GALNTL6: variants seen among roughly 807,000 people sequenced by gnomAD.
GALNTL6 encodes the protein polypeptide N-acetylgalactosaminyltransferase-like 6.
GALNTL6 carries 46 observed loss-of-function variants against 73.7 expected under a neutral mutation model. The observed-to-expected ratio is 0.62, with a 90% CI of 0.49 to 0.80. The LOEUF (loss-of-function observed/expected upper bound fraction) is 0.80, where lower values mean the gene tolerates loss of function less well. Among genes scored for constraint, GALNTL6 ranks in the 30% least tolerant of loss-of-function variants. The probability of loss-of-function intolerance (pLI) is 0.00; values close to 1 mark genes in which losing one functional copy is unlikely to be tolerated. For synonymous variants in GALNTL6, 259 were observed against 263.7 expected (o/e 0.98, Z 0.17); for missense variants, 604 against 755.0 (o/e 0.80, Z 2.34).
intron 2 of GALNTL6, among the ~76,000 whole-genome samples, chr4:172,013,590 G>A (rs1741090100): frequency 6.6e-6 from 1 of 151,636 alleles, no homozygotes; most frequent in South Asian, 2.1e-4. Flanking sequence ...TACATAGTAG[G>A]TGTGTACATT....
intron 5 of GALNTL6, among the ~76,000 whole-genome samples, chr4:172,530,083 C>G (rs1025588950): frequency 4.2e-4 from 64 of 151,826 alleles, no homozygotes; most frequent in Non-Finnish European, 8.4e-4. Context: ...GTTAGAGAAG[C>G]TAGAAGGACA....
At chr4:173,018,009 A>AG in intron 11 of GALNTL6, among the ~76,000 whole-genome samples, 1 of 152,300 alleles carries the variant, frequency 6.6e-6, no homozygotes, top group African/African-American at 2.4e-5. Flanking sequence ...CTGACTCATG[A>AG]GGGACTGTAC....
At chr4:172,520,149 C>A (rs982118649) in intron 5 of GALNTL6, among the ~76,000 whole-genome samples, 1 of 151,764 alleles carries the variant, frequency 6.6e-6, no homozygotes, top group Non-Finnish European at 1.5e-5. Context: ...CTGTGGCAGG[C>A]TTTATTATTC....
At chr4:171,890,831 C>T (rs1736739891) in intron 2 of GALNTL6, among the ~76,000 whole-genome samples, 2 of 151,954 alleles carry the variant, frequency 1.3e-5, no homozygotes, top group African/African-American at 4.8e-5. Context: ...GGTGGAGGTC[C>T]CATACAATAT....
At chr4:172,061,758 T>G (rs1357554504) in intron 2 of GALNTL6, among the ~76,000 whole-genome samples, 1 of 152,098 alleles carries the variant, frequency 6.6e-6, no homozygotes, top group Non-Finnish European at 1.5e-5. Context: ...AGGAGATGTC[T>G]TGATTTATTT....
intron 5 of GALNTL6, among the ~76,000 whole-genome samples, chr4:172,793,847 G>A (rs933110930): frequency 6.6e-6 from 1 of 152,142 alleles, no homozygotes; most frequent in Non-Finnish European, 1.5e-5. Context: ...AGGCAACAAT[G>A]ATCTATATTT....
At chr4:171,946,465 A>G (rs1266413338) in intron 2 of GALNTL6, among the ~76,000 whole-genome samples, 4 of 152,164 alleles carry the variant, frequency 2.6e-5, no homozygotes, top group Non-Finnish European at 5.9e-5. Flanking sequence ...GCCAGTTCAC[A>G]TCAGAAGACA....
At chr4:172,221,214 T>C (rs574869498) in intron 2 of GALNTL6, among the ~76,000 whole-genome samples, 1 of 151,960 alleles carries the variant, frequency 6.6e-6, no homozygotes, top group Admixed American at 6.6e-5. Context: ...TCTTTCTGTG[T>C]TATTTGTTTC....
intron 2 of GALNTL6, among the ~76,000 whole-genome samples, chr4:172,161,477 G>A (rs1385271939): frequency 1.3e-5 from 2 of 151,912 alleles, no homozygotes; most frequent in African/African-American, 2.4e-5. Context: ...TGTGGTTGGT[G>A]GTGAATACTC....
chr4:171,927,649 G>C (rs766568224), intron 2 of GALNTL6, among the ~76,000 whole-genome samples: 2 of 151,734 alleles, frequency 1.3e-5, no homozygotes, highest in South Asian at 2.1e-4. Context: ...CCTTTCTCTT[G>C]TTCTGCTCCA....
intron 2 of GALNTL6, among the ~76,000 whole-genome samples, chr4:171,823,282 G>A (rs1734732588): frequency 6.6e-6 from 1 of 152,086 alleles, no homozygotes; most frequent in South Asian, 2.1e-4. Flanking sequence ...TAAATGGCTG[G>A]ATGTGGGACC....
intron 2 of GALNTL6, among the ~76,000 whole-genome samples, chr4:172,143,775 CT>C (rs1319708784): frequency 6.6e-6 from 1 of 152,026 alleles, no homozygotes; most frequent in Non-Finnish European, 1.5e-5. Flanking sequence ...TCAATACTTA[CT>C]TAGATAGAAC....
chr4:172,328,553 A>G (rs937232046), intron 4 of GALNTL6, among the ~76,000 whole-genome samples: 12 of 152,072 alleles, frequency 7.9e-5, no homozygotes, highest in African/African-American at 2.7e-4. Context: ...GCCTTTTTAC[A>G]TAATCTCACA....
At chr4:172,823,168 A>G (rs1742037519) in intron 7 of GALNTL6, among the ~76,000 whole-genome samples, 1 of 152,180 alleles carries the variant, frequency 6.6e-6, no homozygotes, top group African/African-American at 2.4e-5. Context: ...ATTAAACAGA[A>G]TGTTCTGCCA....
intron 5 of GALNTL6, among the ~76,000 whole-genome samples, chr4:172,422,637 G>A (rs1049147406): frequency 2.0e-5 from 3 of 151,824 alleles, no homozygotes; most frequent in Non-Finnish European, 2.9e-5. Flanking sequence ...AGACTTTTAT[G>A]TCTAGCTCAG....
At chr4:172,039,091 G>A (rs1403997529) in intron 2 of GALNTL6, among the ~76,000 whole-genome samples, 2 of 152,048 alleles carry the variant, frequency 1.3e-5, no homozygotes, top group African/African-American at 4.8e-5. Context: ...CTGATCATGG[G>A]TCATATTTCT....
intron 2 of GALNTL6, among the ~76,000 whole-genome samples, chr4:172,173,598 G>A (rs1476552094): frequency 6.6e-6 from 1 of 152,216 alleles, no homozygotes; most frequent in African/African-American, 2.4e-5. Context: ...AATAGGAAGT[G>A]TAACATACTG....
chr4:172,762,053 G>C (rs542905029), intron 5 of GALNTL6, among the ~76,000 whole-genome samples: 1 of 152,296 alleles, frequency 6.6e-6, no homozygotes, highest in South Asian at 2.1e-4. Context: ...AATGTTTACT[G>C]ATCTTTTTAC....
intron 2 of GALNTL6, among the ~76,000 whole-genome samples, chr4:171,819,109 A>AC (rs1272846741): frequency 6.6e-6 from 1 of 152,048 alleles, no homozygotes; most frequent in Non-Finnish European, 1.5e-5. Context: ...AAAAATTTAC[A>AC]CCTACACTCA....
Sources: gnomAD v4.1 joint callset for allele counts (sites outside exome capture counted in the v4.1 genomes callset) on GRCh38, gnomAD v4.1.1 for gene constraint, MANE v1.5 for transcripts, NCBI Gene and HGNC (gene_info 2026-07-23, HGNC 2026-07-21) for gene names.